The following VGLL3 variants were observed in gnomAD, a reference collection of about 807,000 sequenced individuals.
VGLL3 encodes transcription cofactor vestigial-like protein 3.
In VGLL3, 18 loss-of-function variants were observed where a neutral mutation model predicts 29.2. The ratio of observed to expected loss-of-function variants is 0.62; its 90% CI spans 0.43 to 0.91. The LOEUF (loss-of-function observed/expected upper bound fraction) is 0.91, where lower values mean the gene tolerates loss of function less well. VGLL3 is among the 40% of genes least tolerant of loss of function. VGLL3 has a pLI of 0.00. For synonymous variants in VGLL3, 180 were observed against 151.8 expected (o/e 1.19, Z -1.36); for missense variants, 440 against 413.2 (o/e 1.06, Z -0.56).
At chr3:86,952,802 AT>A (rs1704642220) in intron 3 of VGLL3, among the ~76,000 whole-genome samples, 4 of 152,216 alleles carry the variant, frequency 2.6e-5, no homozygotes, top group Non-Finnish European at 5.9e-5. Flanking sequence ...ACATCAAAAT[AT>A]CCAAACTTCA....
At position 86,941,552 on chromosome 3, in the gene VGLL3, G is replaced by C. The variant is rs1015682564; in HGVS notation, c.*5472C>G. The C allele has an allele frequency of 4.6e-5, 7 of 151,632 alleles. No individual in the cohort carries two copies. The highest frequency in any genetic ancestry group is 1.5e-4 in the African/African-American group (6 of 41,308). The allele number at this position is 151,632 out of a possible 1,614,324, so 9.4% of individuals were successfully genotyped here. A position where few individuals can be genotyped will look rare whatever the true frequency, so the allele number is the denominator to read the frequency against. On this transcript the variant is annotated 3_prime_UTR_variant, in exon 4 of 4. Transcript: ENST00000398399. ...GGTAAAAGTACACTTATTTATAATA[G>C]AATTTCTTGGAACTTAAAAAGGAGA...
chr3:86,951,971 A>C (rs1446331864), intron 3 of VGLL3, among the ~76,000 whole-genome samples: 1 of 152,174 alleles, frequency 6.6e-6, no homozygotes, highest in Non-Finnish European at 1.5e-5. Context: ...TATTGTATAG[A>C]GAATGCCTGG....
At chr3:86,987,342 A>C (rs1705468335) in intron 1 of VGLL3, among the ~76,000 whole-genome samples, 1 of 152,184 alleles carries the variant, frequency 6.6e-6, no homozygotes, top group African/African-American at 2.4e-5. Context: ...CTCCAAGGGC[A>C]CTTAATTTTT....
chr3:86,947,874 G>GATAATAA, intron 3 of VGLL3, among the ~76,000 whole-genome samples: 1 of 151,890 alleles, frequency 6.6e-6, no homozygotes, highest in South Asian at 2.1e-4. Flanking sequence ...GTCTAATACA[G>GATAATAA]TTAATTGAAT....
chr3:86,983,677 G>C (rs1480816461), intron 1 of VGLL3, among the ~76,000 whole-genome samples: 1 of 152,094 alleles, frequency 6.6e-6, no homozygotes, highest in Non-Finnish European at 1.5e-5. Flanking sequence ...ATGAGCCACC[G>C]TGCCTGGCCA....
rs1026873783 is a variant in VGLL3 at position 86,941,246 on chromosome 3, T to A, written c.*5778A>T. The A allele has an allele frequency of 6.6e-6, 1 of 152,386 alleles. No individual in the cohort carries two copies. Among genetic ancestry groups the A allele is most frequent in the Admixed American group, 6.6e-5 (1 of 15,238 alleles). The allele number at this position is 152,386 out of a possible 1,614,324, so 9.4% of individuals were successfully genotyped here. On this transcript the variant is annotated 3_prime_UTR_variant, in exon 4 of 4. Transcript: ENST00000398399. ...GATATAATATCCAATATTATACATA[T>A]CCTAAGAAATTAAATCAATTGTGTA... is the stretch of plus-strand genomic sequence containing the variant.
chr3:86,958,091 T>C (rs187086371), intron 3 of VGLL3, among the ~76,000 whole-genome samples: 1 of 152,322 alleles, frequency 6.6e-6, no homozygotes, highest in Admixed American at 6.5e-5. Flanking sequence ...GCTTTTCTTT[T>C]TCAGTCAGCA....
At position 86,990,766 on chromosome 3, in the gene VGLL3, C is replaced by G. The variant is rs1166358756; in HGVS notation, c.-23G>C. 4 of 1,282,618 alleles carry G rather than the reference C, an allele frequency of 3.1e-6. No individual in the cohort carries two copies. Among genetic ancestry groups the G allele is most frequent in the South Asian group, 3.3e-5 (1 of 29,950 alleles). 79.5% of individuals were successfully genotyped at this position (1,282,618 alleles called of 1,614,324 possible). A position where few individuals can be genotyped will look rare whatever the true frequency, so the allele number is the denominator to read the frequency against. Reference sequence around the variant, plus strand: ...CATGGCAGCCGGGGCAGTGGCGGCCCCCGAGCTGCCGCCGCCGCTCTACGC... The same window carrying G: ...CATGGCAGCCGGGGCAGTGGCGGCCGCCGAGCTGCCGCCGCCGCTCTACGC... On this transcript the variant is annotated 5_prime_UTR_variant, in exon 1 of 4. Coordinates refer to ENST00000398399, the MANE Select transcript of VGLL3 (RefSeq NM_016206.4).
intron 2 of VGLL3, among the ~76,000 whole-genome samples, chr3:86,972,253 C>T (rs980990897): frequency 2.0e-5 from 3 of 152,040 alleles, no homozygotes; most frequent in African/African-American, 7.2e-5. Flanking sequence ...TTTGAAAATG[C>T]ACTCCATAAA....
In VGLL3 at chr3:86,990,770, A is replaced by T; in HGVS notation, c.-27T>A. ...GCAGCCGGGGCAGTGGCGGCCCCCG[A>T]GCTGCCGCCGCCGCTCTACGCGCTG... On this transcript the variant is annotated 5_prime_UTR_variant, in exon 1 of 4. Coordinates refer to ENST00000398399, the MANE Select transcript of VGLL3 (RefSeq NM_016206.4). 8.9e-7 allele frequency: 1 copy of T among 1,127,826 alleles called. No individual in the cohort carries two copies. 69.9% of individuals were successfully genotyped at this position (1,127,826 alleles called of 1,614,324 possible). A position where few individuals can be genotyped will look rare whatever the true frequency, so the allele number is the denominator to read the frequency against.
At chr3:86,957,102 C>G (rs1160438909) in intron 3 of VGLL3, among the ~76,000 whole-genome samples, 3 of 151,796 alleles carry the variant, frequency 2.0e-5, no homozygotes, top group African/African-American at 7.3e-5. Context: ...ATTTTTAGTA[C>G]CCTCTCATTC....
At chr3:86,970,508 C>CACAG (rs1465121528) in intron 2 of VGLL3, among the ~76,000 whole-genome samples, 1 of 151,768 alleles carries the variant, frequency 6.6e-6, no homozygotes, top group Non-Finnish European at 1.5e-5. Flanking sequence ...CACACACACA[C>CACAG]ACACACACAC....
chr3:86,983,678 T>C (rs1008441606), intron 1 of VGLL3, among the ~76,000 whole-genome samples: 4 of 152,174 alleles, frequency 2.6e-5, no homozygotes, highest in Non-Finnish European at 5.9e-5. Flanking sequence ...TGAGCCACCG[T>C]GCCTGGCCAC....
chr3:86,983,160 C>T (rs1032950248), intron 1 of VGLL3, among the ~76,000 whole-genome samples: 1 of 152,064 alleles, frequency 6.6e-6, no homozygotes, highest in African/African-American at 2.4e-5. Context: ...AACTTTTTTT[C>T]CTAGGGAAAC....
intron 2 of VGLL3, among the ~76,000 whole-genome samples, chr3:86,971,207 G>T (rs1209061028): frequency 6.6e-6 from 1 of 152,122 alleles, no homozygotes; most frequent in Non-Finnish European, 1.5e-5. Context: ...TTGCCTCAGG[G>T]AAAGCTTAAA....
At position 86,943,437 on chromosome 3, in the gene VGLL3, G is replaced by T. The variant is rs942182605; in HGVS notation, c.*3587C>A. Reference sequence around the variant, plus strand: ...TCTGCAAATCTTAGAATAGGAATGGGCAAATACTTTTTGTATAATGAATAA... The same window carrying T: ...TCTGCAAATCTTAGAATAGGAATGGTCAAATACTTTTTGTATAATGAATAA... On this transcript the variant is annotated 3_prime_UTR_variant, in exon 4 of 4. Coordinates refer to ENST00000398399, the MANE Select transcript of VGLL3 (RefSeq NM_016206.4). The T allele has an allele frequency of 6.6e-6, 1 of 151,900 alleles. No individual in the cohort carries two copies. The highest frequency in any genetic ancestry group is 2.1e-4 in the South Asian group (1 of 4,820). The allele number at this position is 151,900 out of a possible 1,614,324, so 9.4% of individuals were successfully genotyped here. A position where few individuals can be genotyped will look rare whatever the true frequency, so the allele number is the denominator to read the frequency against.
intron 1 of VGLL3, among the ~76,000 whole-genome samples, chr3:86,987,189 A>T (rs1374279273): frequency 6.6e-6 from 1 of 152,172 alleles, no homozygotes; most frequent in Non-Finnish European, 1.5e-5. Context: ...TCACTTGTAA[A>T]AAGAAGAGTT....
At chr3:86,959,677 T>C (rs1366072388) in intron 3 of VGLL3, among the ~76,000 whole-genome samples, 2 of 152,136 alleles carry the variant, frequency 1.3e-5, no homozygotes, top group African/African-American at 4.8e-5. Context: ...TTTCCTTTAG[T>C]CCTTTTTGTA....
In VGLL3 at chr3:86,939,329, G is replaced by A. The variant is rs1704343746; in HGVS notation, c.*7695C>T. 1 of 152,180 alleles carries A rather than the reference G, an allele frequency of 6.6e-6. No individual in the cohort carries two copies. The highest frequency in any genetic ancestry group is 6.6e-5 in the Admixed American group (1 of 15,266). 9.4% of individuals were successfully genotyped at this position (152,180 alleles called of 1,614,324 possible). On this transcript the variant is annotated 3_prime_UTR_variant, in exon 4 of 4. Transcript: ENST00000398399. ...ACATGGAAAAAGGGCCTTTAAAGATGTAATTAAGAACCTTGAGCATGGCGC... is the reference window on the plus strand; with the variant it reads ...ACATGGAAAAAGGGCCTTTAAAGATATAATTAAGAACCTTGAGCATGGCGC...
Sources: allele counts gnomAD v4.1 joint callset (sites outside exome capture counted in the v4.1 genomes callset), GRCh38; gene constraint gnomAD v4.1.1; transcripts MANE v1.5; gene names NCBI Gene and HGNC (gene_info 2026-07-23, HGNC 2026-07-21).